MSRA: variants seen among roughly 807,000 people sequenced by gnomAD.
MSRA encodes the protein methionine sulfoxide reductase A, also known as mitochondrial peptide methionine sulfoxide reductase.
A neutral mutation model predicts 31.3 loss-of-function variants in MSRA; 54 were observed. The observed-to-expected ratio is 1.73, with a 90% CI of 1.39 to 2.17. MSRA has a LOEUF of 2.17. Among genes scored for constraint, MSRA ranks in the 30% most tolerant of loss-of-function variants. The probability of loss-of-function intolerance (pLI) is 0.00; values close to 1 mark genes in which losing one functional copy is unlikely to be tolerated. For missense variants in MSRA, 507 were observed against 300.9 expected (o/e 1.69, Z -5.07); for synonymous variants, 169 against 116.5 (o/e 1.45, Z -2.90).
intron 3 of MSRA, among the ~76,000 whole-genome samples, chr8:10,261,918 C>T (rs150063668): frequency 2.0e-5 from 3 of 152,318 alleles, no homozygotes; most frequent in African/African-American, 7.2e-5. Flanking sequence ...TTTGATAGTT[C>T]CGCCTTTTCC....
At position 10,378,987 on chromosome 8, in the gene MSRA, T is replaced by A. The variant is rs145425350; in HGVS notation, c.544-49161T>A. On this transcript the variant is annotated intron_variant, in intron 5 of 5. Transcript: ENST00000317173. The stretch of plus-strand genomic sequence containing the variant: ...GCTGTCATCTCTCTTCCAGCCTTGG[T>A]CCATTTGCCTGCATATTTTTTTACG... Among the ~76,000 whole-genome samples the A allele has an allele frequency of 3.9e-3, 588 of 152,364 alleles. 8 individuals carry two copies. Among genetic ancestry groups the A allele is most frequent in the African/African-American group, 0.014 (565 of 41,584 alleles).
intron 1 of MSRA, among the ~76,000 whole-genome samples, chr8:10,201,174 C>T (rs952586157): frequency 1.4e-4 from 21 of 152,162 alleles, no homozygotes; most frequent in Admixed American, 1.2e-3. Flanking sequence ...TACTCCAGCC[C>T]CACCGTGACC....
intron 1 of MSRA, among the ~76,000 whole-genome samples, chr8:10,154,859 T>C (rs374694159): frequency 1.1e-4 from 16 of 152,034 alleles, no homozygotes; most frequent in African/African-American, 3.9e-4. Flanking sequence ...GATCTATTGT[T>C]TTAATGGAAA....
At chr8:10,101,343 A>C (rs1799515804) in intron 1 of MSRA, among the ~76,000 whole-genome samples, 1 of 152,220 alleles carries the variant, frequency 6.6e-6, no homozygotes, top group African/African-American at 2.4e-5. Context: ...TTTATGTTTT[A>C]CAAAATTATT....
chr8:10,361,410 T>A (rs1804837473), intron 5 of MSRA, among the ~76,000 whole-genome samples: 1 of 152,212 alleles, frequency 6.6e-6, no homozygotes, highest in Admixed American at 6.5e-5. Flanking sequence ...TTTTCTTTCA[T>A]TATTTTTGGC....
At chr8:10,317,892 T>C (rs536983642) in intron 4 of MSRA, among the ~76,000 whole-genome samples, 1 of 152,156 alleles carries the variant, frequency 6.6e-6, no homozygotes, top group African/African-American at 2.4e-5. Context: ...GTCTGATCTT[T>C]CCACGCATCT....
At chr8:10,249,222 G>C (rs1002053692) in intron 3 of MSRA, among the ~76,000 whole-genome samples, 3 of 152,172 alleles carry the variant, frequency 2.0e-5, no homozygotes, top group Non-Finnish European at 4.4e-5. Context: ...AAAATGCAAT[G>C]AAATCAGGTT....
At chr8:10,358,956 A>T (rs535219150) in intron 5 of MSRA, among the ~76,000 whole-genome samples, 26 of 152,194 alleles carry the variant, frequency 1.7e-4, no homozygotes, top group African/African-American at 6.3e-4. Context: ...TACACTCCTT[A>T]TGAGAATATA....
At chr8:10,135,211 T>C (rs1802187146) in intron 1 of MSRA, among the ~76,000 whole-genome samples, 1 of 152,266 alleles carries the variant, frequency 6.6e-6, no homozygotes, top group Non-Finnish European at 1.5e-5. Context: ...CCTGCCGTGG[T>C]TCCCCACTTT....
rs117154671 is a variant in MSRA, at chr8:10,172,760, G to A, written c.143-35073G>A. Among the ~76,000 whole-genome samples the A allele has an allele frequency of 1.2e-4, 18 of 152,270 alleles. No individual in the cohort carries two copies. The East Asian group carries it at 2.9e-3, about 25-fold the overall frequency. On this transcript the variant is annotated intron_variant, in intron 1 of 5. Transcript: ENST00000317173. ...AGGAGGCCAGGTCACTGGGCAGCAG[G>A]GACTCAGGTTGCCTGTAGCTCACCC...
At chr8:10,355,950 G>GA (rs201664482) in intron 5 of MSRA, among the ~76,000 whole-genome samples, 3,150 of 152,288 alleles carry the variant, frequency 0.021, 104 homozygotes, top group African/African-American at 0.072. Flanking sequence ...AGCTAGGATT[G>GA]AGGAAGGGGT....
chr8:10,074,565 C>T (rs1051058044), intron 1 of MSRA, among the ~76,000 whole-genome samples: 2 of 152,122 alleles, frequency 1.3e-5, no homozygotes, highest in African/African-American at 2.4e-5. Flanking sequence ...ATATTATGTC[C>T]TGCATCTCTA....
intron 1 of MSRA, among the ~76,000 whole-genome samples, chr8:10,151,586 C>T (rs1489922828): frequency 6.6e-6 from 1 of 151,806 alleles, no homozygotes; most frequent in Non-Finnish European, 1.5e-5. Flanking sequence ...GGAGGCGGAG[C>T]TTGCAGTGAG....
At chr8:10,085,726 T>C (rs1216073863) in intron 1 of MSRA, among the ~76,000 whole-genome samples, 2 of 152,240 alleles carry the variant, frequency 1.3e-5, no homozygotes, top group Non-Finnish European at 2.9e-5. Context: ...CCCCAAAAGT[T>C]GTCTCCTGCC....
intron 5 of MSRA, among the ~76,000 whole-genome samples, chr8:10,328,281 C>G (rs1419416517): frequency 7.1e-6 from 1 of 140,920 alleles, no homozygotes; most frequent in East Asian, 2.2e-4. Context: ...CCTTCCCCAT[C>G]GGGTCATCAT....
At chr8:10,351,246 T>A (rs894324247) in intron 5 of MSRA, among the ~76,000 whole-genome samples, 3 of 31,046 alleles carry the variant, frequency 9.7e-5, no homozygotes, top group Non-Finnish European at 1.6e-4. Flanking sequence ...TGAAGGAGAC[T>A]TTTTTTTTTT....
chr8:10,181,457 A>C (rs950117816), intron 1 of MSRA, among the ~76,000 whole-genome samples: 1 of 150,520 alleles, frequency 6.6e-6, no homozygotes, highest in Non-Finnish European at 1.5e-5. Flanking sequence ...AAAAAAAAAA[A>C]CAATGGGAGA....
At chr8:10,367,084 G>A (rs897120146) in intron 5 of MSRA, among the ~76,000 whole-genome samples, 11 of 152,272 alleles carry the variant, frequency 7.2e-5, no homozygotes, top group Admixed American at 1.3e-4. Context: ...ATTGCATGCC[G>A]TTCTGAGCAG....
At chr8:10,277,013 T>A (rs1273176424) in intron 3 of MSRA, among the ~76,000 whole-genome samples, 1 of 152,212 alleles carries the variant, frequency 6.6e-6, no homozygotes, top group Non-Finnish European at 1.5e-5. Flanking sequence ...ACCATTAAGA[T>A]AATTATAAAT....
Sources: allele counts gnomAD v4.1 joint callset (sites outside exome capture counted in the v4.1 genomes callset), GRCh38; gene constraint gnomAD v4.1.1; transcripts MANE v1.5; gene names NCBI Gene and HGNC (gene_info 2026-07-23, HGNC 2026-07-21).